DOCK3: variants seen among roughly 807,000 people sequenced by gnomAD.
DOCK3 encodes dedicator of cytokinesis 3.
A neutral mutation model predicts 265.6 loss-of-function variants in DOCK3; 60 were observed. The observed-to-expected ratio is 0.23, with a 90% CI of 0.18 to 0.28. DOCK3 has a LOEUF of 0.28. Among genes scored for constraint, DOCK3 ranks in the 10% least tolerant of loss-of-function variants. The pLI, the probability that DOCK3 is intolerant of heterozygous loss-of-function variation, is 1.00. For synonymous variants in DOCK3, 881 were observed against 938.0 expected, an observed-to-expected ratio of 0.94 and a Z score of 1.11; for missense variants, 1,981 against 2,594.3, an observed-to-expected ratio of 0.76 and a Z score of 5.14.
intron 5 of DOCK3, among the ~76,000 whole-genome samples, chr3:51,061,712 TAAAA>T (rs548274353): frequency 5.5e-5 from 8 of 145,060 alleles, no homozygotes; most frequent in Non-Finnish European, 1.2e-4. Context: ...TAAAGTATAA[TAAAA>T]AAAAAAGCCA....
intron 5 of DOCK3, among the ~76,000 whole-genome samples, chr3:51,044,867 A>G (rs2080702490): frequency 1.3e-5 from 2 of 152,146 alleles, no homozygotes; most frequent in African/African-American, 4.8e-5. Context: ...CTTCGCATTC[A>G]TAGAATTAAG....
intron 20 of DOCK3, among the ~76,000 whole-genome samples, chr3:51,236,843 C>G (rs1330459091): frequency 6.6e-6 from 1 of 152,164 alleles, no homozygotes; most frequent in African/African-American, 2.4e-5. Flanking sequence ...GGTCCAGAAT[C>G]TATGCAGTTG....
intron 1 of DOCK3, among the ~76,000 whole-genome samples, chr3:50,775,649 G>A (rs577993626): frequency 6.6e-5 from 10 of 151,990 alleles, no homozygotes; most frequent in Non-Finnish European, 1.3e-4. Context: ...TTTCATGGAT[G>A]AGTTCTTTAG....
intron 4 of DOCK3, among the ~76,000 whole-genome samples, chr3:50,920,801 C>T (rs74527452): frequency 0.097 from 14,722 of 151,914 alleles, 870 homozygotes; most frequent in Non-Finnish European, 0.12. Flanking sequence ...CTTTTGAATG[C>T]GTTTGCTCTT....
chr3:50,675,134 C>A lies in DOCK3; in HGVS notation c.-130C>A. 1 of 564,302 alleles carries A rather than the reference C, an allele frequency of 1.8e-6. No homozygotes were observed. Among genetic ancestry groups the A allele is most frequent in the Non-Finnish European group, 2.3e-6 (1 of 440,894 alleles). The allele number at this position is 564,302 out of a possible 1,614,324, so 35.0% of individuals were successfully genotyped here. A position where few individuals can be genotyped will look rare whatever the true frequency, so the allele number is the denominator to read the frequency against. On this transcript the variant is annotated 5_prime_UTR_variant, in exon 1 of 53. Transcript: ENST00000266037. The surrounding 1 kb of genome is among the most constrained non-coding windows in gnomAD (Gnocchi z 6.1). ...CATCCCGGACGGCCTGTGAGGGATG[C>A]GCCGCCCACTGCCCCGCGCCGCCTG...
intron 3 of DOCK3, among the ~76,000 whole-genome samples, chr3:50,879,984 A>G (rs1257531925): frequency 1.3e-5 from 2 of 152,220 alleles, no homozygotes; most frequent in African/African-American, 4.8e-5. Context: ...AACTCACTCA[A>G]AACCACTCAA....
At chr3:50,992,444 C>T (rs894403484) in intron 5 of DOCK3, among the ~76,000 whole-genome samples, 5 of 152,168 alleles carry the variant, frequency 3.3e-5, no homozygotes, top group African/African-American at 7.2e-5. Context: ...ACTACAGGCA[C>T]GTGCCACCAT....
chr3:51,086,779 CAG>C (rs934021154), intron 7 of DOCK3, among the ~76,000 whole-genome samples: 2 of 152,186 alleles, frequency 1.3e-5, no homozygotes, highest in Non-Finnish European at 2.9e-5. Flanking sequence ...GCCTGGGCGA[CAG>C]AGTGAGACTC....
chr3:50,901,833 C>T (rs1323661909), intron 4 of DOCK3, among the ~76,000 whole-genome samples: 1 of 152,144 alleles, frequency 6.6e-6, no homozygotes, highest in African/African-American at 2.4e-5. Flanking sequence ...TGAGATGAAC[C>T]GTGTACCTCA....
At chr3:51,019,028 C>T (rs2079476765) in intron 5 of DOCK3, among the ~76,000 whole-genome samples, 1 of 151,832 alleles carries the variant, frequency 6.6e-6, no homozygotes, top group Middle Eastern at 3.4e-3. Flanking sequence ...TACCACCACA[C>T]CTGGTAAAGT....
chr3:50,783,741 T>A (rs962585191), intron 2 of DOCK3, among the ~76,000 whole-genome samples: 4 of 152,258 alleles, frequency 2.6e-5, no homozygotes, highest in East Asian at 1.9e-4. Context: ...TTTGTTTCAT[T>A]TGCTTTTGTG....
chr3:51,272,856 T>C (rs1252509315), intron 24 of DOCK3, among the ~76,000 whole-genome samples: 1 of 152,084 alleles, frequency 6.6e-6, no homozygotes, highest in Admixed American at 6.6e-5. Context: ...ACTTGAGCTT[T>C]GTGCACTGCT....
At chr3:51,158,498 C>T (rs896828638) in intron 10 of DOCK3, among the ~76,000 whole-genome samples, 3 of 151,990 alleles carry the variant, frequency 2.0e-5, no homozygotes, top group African/African-American at 4.8e-5. Flanking sequence ...GAGCCGTGAT[C>T]GCACCACTGC....
intron 32 of DOCK3, among the ~76,000 whole-genome samples, chr3:51,326,026 C>T (rs1027226707): frequency 1.3e-5 from 2 of 150,734 alleles, no homozygotes; most frequent in Non-Finnish European, 3.0e-5. Context: ...CAAAACTGCC[C>T]GTTCTGCACA....
At chr3:51,379,430 ATC>A (rs1177315484) in intron 51 of DOCK3, 1 of 985,322 alleles carries the variant, frequency 1.0e-6, no homozygotes, top group Non-Finnish European at 1.2e-6. Context: ...CCTTCATGCC[ATC>A]TGTTTCCACC....
intron 4 of DOCK3, among the ~76,000 whole-genome samples, chr3:50,919,026 C>G (rs933744483): frequency 1.3e-5 from 2 of 152,024 alleles, no homozygotes; most frequent in Admixed American, 1.3e-4. Context: ...GAATCCTTTC[C>G]CCATTTCTTG....
intron 12 of DOCK3, among the ~76,000 whole-genome samples, chr3:51,200,867 A>G (rs1178340067): frequency 6.6e-6 from 1 of 152,212 alleles, no homozygotes; most frequent in Non-Finnish European, 1.5e-5. Context: ...GGGGGCCAAT[A>G]TTCAACATTC....
In DOCK3 at chr3:50,970,948, ATGTGTG is replaced by A. The variant is rs71637577; in HGVS notation, c.315+36885_315+36890del. The stretch of plus-strand genomic sequence containing the variant: ...ATATATATATATATATATATATATA[ATGTGTG>A]TGTGTGTGTGTGTATATATATATAT... On this transcript the variant is annotated intron_variant, in intron 5 of 52. Coordinates refer to ENST00000266037, the MANE Select transcript of DOCK3 (RefSeq NM_004947.5). Among the ~76,000 whole-genome samples, 4 of 51,762 alleles carry A rather than the reference ATGTGTG, an allele frequency of 7.7e-5. 1 individual carries two copies. The highest frequency in any genetic ancestry group is 2.8e-4 in the Admixed American group (1 of 3,538). 34.0% of individuals were successfully genotyped at this position (51,762 alleles called of 152,430 possible).
intron 32 of DOCK3, among the ~76,000 whole-genome samples, chr3:51,328,926 G>A (rs1317846706): frequency 6.6e-6 from 1 of 152,166 alleles, no homozygotes; most frequent in African/African-American, 2.4e-5. Flanking sequence ...GCTGAGGCAG[G>A]TGGATCATCT....
Sources: allele counts gnomAD v4.1 joint callset (sites outside exome capture counted in the v4.1 genomes callset), GRCh38; gene constraint gnomAD v4.1.1; non-coding constraint Gnocchi (gnomAD v3.1); transcripts MANE v1.5; gene names NCBI Gene and HGNC (gene_info 2026-07-23, HGNC 2026-07-21).